The following MED27 variants were observed in gnomAD, a reference collection of about 807,000 sequenced individuals.
MED27 encodes the protein mediator complex subunit 27, also known as mediator of RNA polymerase II transcription subunit 27.
MED27 carries 30 observed loss-of-function variants against 38.2 expected under a neutral mutation model. The ratio of observed to expected loss-of-function variants is 0.79; its 90% CI spans 0.59 to 1.07. MED27 has a LOEUF of 1.07. MED27 is among the 50% of genes least tolerant of loss of function. The pLI is 0.00. For synonymous variants in MED27, 122 were observed against 153.5 expected (o/e 0.79, Z 1.52); for missense variants, 289 against 397.5 (o/e 0.73, Z 2.32).
chr9:132,012,063 A>G (rs573070248), intron 3 of MED27, among the ~76,000 whole-genome samples: 33 of 152,278 alleles, frequency 2.2e-4, no homozygotes, highest in Non-Finnish European at 2.8e-4. Context: ...AGCCAATGCA[A>G]ATTAACAAAT....
intron 3 of MED27, among the ~76,000 whole-genome samples, chr9:131,992,370 G>A (rs1007258708): frequency 1.3e-5 from 2 of 152,096 alleles, no homozygotes; most frequent in Admixed American, 1.3e-4. Flanking sequence ...CCCATCTGTC[G>A]ATACTGCACC....
At chr9:131,937,572 CTG>C (rs1231653521) in intron 4 of MED27, among the ~76,000 whole-genome samples, 1 of 152,180 alleles carries the variant, frequency 6.6e-6, no homozygotes, top group Non-Finnish European at 1.5e-5. Context: ...AGGAACTCAT[CTG>C]TGTGGCCTGT....
intron 1 of MED27, among the ~76,000 whole-genome samples, chr9:132,079,343 C>T (rs184083453): frequency 2.0e-5 from 3 of 152,202 alleles, no homozygotes; most frequent in Admixed American, 1.3e-4. Context: ...CTGCCAAGCT[C>T]AGAGAAGTGG....
intron 3 of MED27, among the ~76,000 whole-genome samples, chr9:131,996,432 G>A (rs1413446556): frequency 6.6e-6 from 1 of 152,192 alleles, no homozygotes; most frequent in Non-Finnish European, 1.5e-5. Context: ...GATGTCAAAG[G>A]AGAGAGAGAA....
chr9:131,895,206 C>G (rs1238681945), intron 4 of MED27, among the ~76,000 whole-genome samples: 2 of 152,190 alleles, frequency 1.3e-5, no homozygotes, highest in African/African-American at 2.4e-5. Context: ...GCTCACGTAA[C>G]TCTTCTAAGA....
intron 2 of MED27, among the ~76,000 whole-genome samples, chr9:132,071,739 C>A (rs1423894903): frequency 6.6e-6 from 1 of 150,900 alleles, no homozygotes. Flanking sequence ...GAGTAATGCA[C>A]GTCCATGAAC....
At chr9:131,915,558 G>A (rs1003789972) in intron 4 of MED27, among the ~76,000 whole-genome samples, 1 of 152,140 alleles carries the variant, frequency 6.6e-6, no homozygotes, top group South Asian at 2.1e-4. Flanking sequence ...TGGAAACAAT[G>A]GCACTTTTTA....
intron 3 of MED27, among the ~76,000 whole-genome samples, chr9:131,964,790 C>T (rs1016306876): frequency 1.3e-5 from 2 of 152,144 alleles, no homozygotes; most frequent in Non-Finnish European, 2.9e-5. Flanking sequence ...AAGTCCTTTC[C>T]GATACAAGGA....
At chr9:131,894,051 G>A in intron 4 of MED27, 59 bp from the exon 5 acceptor site, 1 of 1,379,172 alleles carries the variant, frequency 7.3e-7, no homozygotes. Flanking sequence ...GTTGGGCAGG[G>A]GTGTGAGAAG....
At chr9:131,930,327 G>A (rs1174608355) in intron 4 of MED27, among the ~76,000 whole-genome samples, 1 of 152,042 alleles carries the variant, frequency 6.6e-6, no homozygotes. Context: ...AACTCTCAAA[G>A]GTCAAGGATA....
rs987914484 is a variant in MED27 at position 132,009,038 on chromosome 9, C to T, written c.479+5299G>A. Among the ~76,000 whole-genome samples, 28 of 152,316 alleles carry T rather than the reference C, an allele frequency of 1.8e-4. 1 individual carries two copies. Among genetic ancestry groups the T allele is most frequent in the African/African-American group, 6.3e-4 (26 of 41,584 alleles). ...ACCTCCCTCCCCACTCTGCCCGTGG[C>T]CTTCTCAGGCACTGGAAGAAGGTCA... On this transcript the variant is annotated intron_variant, in intron 3 of 7. Transcript: ENST00000292035.
intron 5 of MED27, 27 bp from the exon 6 acceptor site, chr9:131,884,126 C>A: frequency 6.3e-7 from 1 of 1,581,456 alleles, no homozygotes; most frequent in South Asian, 1.2e-5. Context: ...GAAGGATCAT[C>A]AGCATCGGTC....
chr9:131,978,048 C>T (rs924674397), intron 3 of MED27, among the ~76,000 whole-genome samples: 2 of 152,188 alleles, frequency 1.3e-5, no homozygotes, highest in South Asian at 2.1e-4. Context: ...GTGCCTCCTG[C>T]TAGAACACAA....
intron 3 of MED27, among the ~76,000 whole-genome samples, chr9:131,960,357 T>C (rs1831190271): frequency 6.6e-6 from 1 of 152,324 alleles, no homozygotes; most frequent in South Asian, 2.1e-4. Flanking sequence ...CATATGCACC[T>C]ACCCCATGAA....
chr9:132,013,683 A>T (rs1022652087), intron 3 of MED27, among the ~76,000 whole-genome samples: 2 of 152,222 alleles, frequency 1.3e-5, no homozygotes, highest in Non-Finnish European at 2.9e-5. Flanking sequence ...TGTGCTCCTC[A>T]GCTGTCTCAT....
intron 7 of MED27, 49 bp downstream of exon 7, chr9:131,863,014 G>A: frequency 1.0e-5 from 16 of 1,539,180 alleles, no homozygotes; most frequent in Non-Finnish European, 1.3e-5. Context: ...GTTCTCACTT[G>A]AAGGGAGCTG....
chr9:132,030,806 T>G (rs1407709078), intron 2 of MED27, among the ~76,000 whole-genome samples: 1 of 152,158 alleles, frequency 6.6e-6, no homozygotes, highest in Non-Finnish European at 1.5e-5. Flanking sequence ...CTGCATTCTC[T>G]CCCCAAACCA....
chr9:131,901,061 G>A (rs1054318720), intron 4 of MED27, among the ~76,000 whole-genome samples: 20 of 130,728 alleles, frequency 1.5e-4, no homozygotes, highest in Non-Finnish European at 2.7e-4. Context: ...AGAGAGGTGA[G>A]AGAGACAGAA....
At chr9:131,978,557 A>G (rs929514738) in intron 3 of MED27, among the ~76,000 whole-genome samples, 2 of 152,226 alleles carry the variant, frequency 1.3e-5, no homozygotes, top group Admixed American at 6.5e-5. Flanking sequence ...GGATTAAATG[A>G]TATCTTAGAT....
Sources: allele counts gnomAD v4.1 joint callset (sites outside exome capture counted in the v4.1 genomes callset), GRCh38; gene constraint gnomAD v4.1.1; transcripts MANE v1.5; gene names NCBI Gene and HGNC (gene_info 2026-07-23, HGNC 2026-07-21).